COP1: variants seen among roughly 807,000 people sequenced by gnomAD.
COP1 encodes COP1 E3 ubiquitin ligase, also known as E3 ubiquitin-protein ligase COP1.
COP1 carries 24 observed loss-of-function variants against 101.3 expected under a neutral mutation model. The observed-to-expected ratio is 0.24, with a 90% CI of 0.17 to 0.33. COP1 has a LOEUF of 0.33. Among genes scored for constraint, COP1 ranks in the 10% least tolerant of loss-of-function variants. The probability of loss-of-function intolerance (pLI) is 1.00; values close to 1 mark genes in which losing one functional copy is unlikely to be tolerated. For synonymous variants in COP1, 347 were observed against 341.9 expected, an observed-to-expected ratio of 1.01 and a Z score of -0.17; for missense variants, 663 against 906.2, an observed-to-expected ratio of 0.73 and a Z score of 3.45.
chr1:176,040,464 G>A (rs569396432), intron 14 of COP1, among the ~76,000 whole-genome samples: 1 of 151,990 alleles, frequency 6.6e-6, no homozygotes, highest in South Asian at 2.1e-4. Flanking sequence ...CTACCTGTGC[G>A]CACCACCACG....
At chr1:176,079,551 G>C (rs947128410) in intron 11 of COP1, among the ~76,000 whole-genome samples, 6 of 151,684 alleles carry the variant, frequency 4.0e-5, no homozygotes, top group African/African-American at 1.5e-4. Context: ...CACTGTCTGG[G>C]TGACGGAAAT....
At chr1:176,189,629 A>G (rs1421509628) in intron 1 of COP1, among the ~76,000 whole-genome samples, 1 of 151,990 alleles carries the variant, frequency 6.6e-6, no homozygotes, top group Non-Finnish European at 1.5e-5. Context: ...AGACAGACAG[A>G]AACTAGGATG....
At chr1:176,198,471 A>C (rs1364870780) in intron 1 of COP1, among the ~76,000 whole-genome samples, 1 of 152,228 alleles carries the variant, frequency 6.6e-6, no homozygotes, top group Non-Finnish European at 1.5e-5. Flanking sequence ...CTTGAAGTGG[A>C]TCATAACCAT....
chr1:176,169,256 C>A (rs1369520930), intron 3 of COP1, among the ~76,000 whole-genome samples: 2 of 152,164 alleles, frequency 1.3e-5, no homozygotes, highest in Non-Finnish European at 2.9e-5. Context: ...GGATACCACA[C>A]ACCTTGGTAA....
chr1:175,963,915 A>G (rs2148552392), intron 18 of COP1, among the ~76,000 whole-genome samples: 1 of 152,298 alleles, frequency 6.6e-6, no homozygotes, highest in Admixed American at 6.5e-5. Flanking sequence ...ATATATTTTC[A>G]TATTGCACAA....
chr1:175,967,816 T>G (rs1172475179), intron 18 of COP1, among the ~76,000 whole-genome samples: 1 of 152,202 alleles, frequency 6.6e-6, no homozygotes, highest in African/African-American at 2.4e-5. Flanking sequence ...TGACCTTCAC[T>G]GGTAACCCTG....
chr1:176,035,731 A>C (rs911374346), intron 14 of COP1, among the ~76,000 whole-genome samples: 2 of 141,510 alleles, frequency 1.4e-5, no homozygotes, highest in Non-Finnish European at 3.2e-5. Context: ...AAAAAAAAAA[A>C]ACGCAAGCAT....
rs60306255 is a variant in COP1, at chr1:175,955,766, C to CCACA, written c.2134-8531_2134-8528dup. Among the ~76,000 whole-genome samples, 632 of 129,278 alleles carry CCACA rather than the reference C, an allele frequency of 4.9e-3. 8 individuals carry two copies. Among genetic ancestry groups the CCACA allele is most frequent in the South Asian group, 0.026 (97 of 3,672 alleles). 84.8% of individuals were successfully genotyped at this position (129,278 alleles called of 152,430 possible). A position where few individuals can be genotyped will look rare whatever the true frequency, so the allele number is the denominator to read the frequency against. On this transcript the variant is annotated intron_variant, in intron 18 of 19. Coordinates refer to ENST00000367669, the MANE Select transcript of COP1 (RefSeq NM_022457.7). Reference sequence around the variant, plus strand: ...AAAGCATGAATCATTTAGAGACAAACCACACACACACACACACACACACAC... The same window carrying CCACA: ...AAAGCATGAATCATTTAGAGACAAACCACACACACACACACACACACACACACAC...
intron 11 of COP1, among the ~76,000 whole-genome samples, chr1:176,070,481 G>A (rs188201551): frequency 1.1e-4 from 16 of 152,038 alleles, no homozygotes; most frequent in African/African-American, 3.6e-4. Context: ...GGCCAACATG[G>A]CGAAACCCCG....
chr1:176,140,364 T>C (rs1690477920), intron 6 of COP1, among the ~76,000 whole-genome samples: 1 of 152,142 alleles, frequency 6.6e-6, no homozygotes, highest in Non-Finnish European at 1.5e-5. Context: ...CAAAATGATA[T>C]AACCTATCCG....
intron 11 of COP1, among the ~76,000 whole-genome samples, chr1:176,077,228 A>G (rs1235638361): frequency 6.6e-6 from 1 of 152,124 alleles, no homozygotes; most frequent in Non-Finnish European, 1.5e-5. Context: ...ATCCTCGACA[A>G]AATACTCTGT....
intron 6 of COP1, among the ~76,000 whole-genome samples, chr1:176,143,697 G>A (rs1329523546): frequency 6.6e-6 from 1 of 151,982 alleles, no homozygotes; most frequent in Non-Finnish European, 1.5e-5. Flanking sequence ...TGTCCTGGTG[G>A]GGTTTCCTAG....
At chr1:176,076,439 C>T (rs948513110) in intron 11 of COP1, among the ~76,000 whole-genome samples, 1 of 152,122 alleles carries the variant, frequency 6.6e-6, no homozygotes, top group Non-Finnish European at 1.5e-5. Flanking sequence ...AATAGAGATA[C>T]AATTTACCAA....
intron 15 of COP1, among the ~76,000 whole-genome samples, chr1:175,996,521 CCTT>C: frequency 6.6e-6 from 1 of 151,938 alleles, no homozygotes; most frequent in Non-Finnish European, 1.5e-5. Context: ...CCCAAAATCT[CCTT>C]AAGCTGATAA....
At chr1:176,163,977 A>G (rs954254144) in intron 3 of COP1, 86 bp from the exon 4 acceptor site, 11 of 782,980 alleles carry the variant, frequency 1.4e-5, no homozygotes, top group East Asian at 1.4e-4. Context: ...GATAGATTCT[A>G]TTTTACCTAT....
chr1:175,992,386 C>G (rs967471530), intron 15 of COP1, among the ~76,000 whole-genome samples: 14 of 152,182 alleles, frequency 9.2e-5, no homozygotes, highest in Non-Finnish European at 1.5e-4. Flanking sequence ...GAGTGCCAGA[C>G]AGTGGGTGCA....
At chr1:176,182,211 A>C (rs1043418474) in intron 2 of COP1, among the ~76,000 whole-genome samples, 18 of 152,234 alleles carry the variant, frequency 1.2e-4, no homozygotes, top group Non-Finnish European at 1.0e-4. Context: ...TCGTATTTCA[A>C]CACTTTTAAA....
chr1:176,150,988 A>C (rs1692341087), intron 5 of COP1, among the ~76,000 whole-genome samples: 1 of 152,102 alleles, frequency 6.6e-6, no homozygotes, highest in Non-Finnish European at 1.5e-5. Flanking sequence ...AAGAAAAGAG[A>C]ATGCTTTAAA....
At chr1:176,022,264 A>G (rs1188614717) in intron 15 of COP1, among the ~76,000 whole-genome samples, 2 of 152,208 alleles carry the variant, frequency 1.3e-5, no homozygotes, top group African/African-American at 4.8e-5. Flanking sequence ...CAGACAGGGA[A>G]GCTTACAATT....
Sources: allele counts gnomAD v4.1 joint callset (sites outside exome capture counted in the v4.1 genomes callset), GRCh38; gene constraint gnomAD v4.1.1; transcripts MANE v1.5; gene names NCBI Gene and HGNC (gene_info 2026-07-23, HGNC 2026-07-21).